Variants in SLC43A2 observed in about 807,000 individuals in gnomAD.
SLC43A2 encodes the protein large neutral amino acids transporter small subunit 4.
In SLC43A2, 38 loss-of-function variants were observed where a neutral mutation model predicts 63.2. The observed-to-expected ratio is 0.60, with a 90% CI of 0.46 to 0.79. The LOEUF (loss-of-function observed/expected upper bound fraction) is 0.79. SLC43A2 is among the 30% of genes least tolerant of loss of function. The pLI, the probability that SLC43A2 is intolerant of heterozygous loss-of-function variation, is 0.00. For synonymous variants in SLC43A2, 322 were observed against 331.0 expected, an observed-to-expected ratio of 0.97 and a Z score of 0.30; for missense variants, 644 against 756.2, an observed-to-expected ratio of 0.85 and a Z score of 1.74.
rs572335877 is a variant in SLC43A2, at chr17:1,593,059, C to A, written c.594+128G>T. The A allele has an allele frequency of 6.1e-6, 5 of 824,214 alleles. No individual in the cohort carries two copies. Among genetic ancestry groups the A allele is most frequent in the Non-Finnish European group, 9.9e-6 (5 of 504,188 alleles). 51.1% of individuals were successfully genotyped at this position (824,214 alleles called of 1,614,324 possible). A position where few individuals can be genotyped will look rare whatever the true frequency, so the allele number is the denominator to read the frequency against. ...TCGCCCCTGTGATGCCCAGGTGCAT[C>A]CTGCCCGGGTGGGGGTGGTGGAGAG... On this transcript the variant is annotated intron_variant, in intron 6 of 13. Coordinates refer to ENST00000301335, the MANE Select transcript of SLC43A2 (RefSeq NM_152346.3). This position sits in a 1 kb window ranked among gnomAD's most constrained non-coding sequence, Gnocchi z 5.3.
At chr17:1,585,762 G>A in intron 10 of SLC43A2, 151 bp downstream of exon 10, 5 of 1,591,634 alleles carry the variant, frequency 3.1e-6, no homozygotes, top group Non-Finnish European at 4.3e-6. Flanking sequence ...ATGCTGAGCT[G>A]AATGAGTGAG....
intron 3 of SLC43A2, among the ~76,000 whole-genome samples, chr17:1,615,904 G>A (rs1397292419): frequency 1.3e-5 from 2 of 149,950 alleles, no homozygotes; most frequent in Non-Finnish European, 3.0e-5. Context: ...TTAGCTGGGT[G>A]TGGTGGCAGG....
At chr17:1,602,373 C>T (rs1006505468) in intron 5 of SLC43A2, among the ~76,000 whole-genome samples, 4 of 152,078 alleles carry the variant, frequency 2.6e-5, no homozygotes, top group African/African-American at 9.7e-5. Context: ...AGGCCGGGCA[C>T]GGTGGCTCAC....
intron 13 of SLC43A2, 58 bp from the exon 14 acceptor site, chr17:1,575,823 C>A (rs1417975106): frequency 2.0e-6 from 3 of 1,530,552 alleles, no homozygotes; most frequent in Admixed American, 2.0e-5. Flanking sequence ...AGGCTGCAGA[C>A]CCGCCCTCCA....
At chr17:1,610,902 G>A (rs1441255764) in intron 5 of SLC43A2, among the ~76,000 whole-genome samples, 7 of 149,974 alleles carry the variant, frequency 4.7e-5, no homozygotes, top group Non-Finnish European at 7.4e-5. Context: ...GTTCAGTGGC[G>A]CGATCTCGGC....
chr17:1,579,959 G>T (rs544408482), intron 11 of SLC43A2, among the ~76,000 whole-genome samples: 1 of 151,078 alleles, frequency 6.6e-6, no homozygotes, highest in African/African-American at 2.4e-5. Context: ...TGGAGACAGA[G>T]TCTTGCTGTG....
chr17:1,591,724 T>TGGGG (rs552449883), intron 6 of SLC43A2, 25 bp from the exon 7 acceptor site: 45 of 220,212 alleles, frequency 2.0e-4, no homozygotes, highest in South Asian at 5.7e-4. Context: ...GGGGACGGGG[T>TGGGG]GGGGGGGGGA....
intron 5 of SLC43A2, among the ~76,000 whole-genome samples, chr17:1,600,100 CT>C (rs200335951): frequency 0.2 from 17,904 of 88,880 alleles, 1,970 homozygotes; most frequent in Non-Finnish European, 0.28. Flanking sequence ...GTTAATCTTT[CT>C]TTTTTTTTTT....
intron 6 of SLC43A2, among the ~76,000 whole-genome samples, chr17:1,591,925 G>A (rs1417624867): frequency 6.6e-6 from 1 of 152,190 alleles, no homozygotes; most frequent in African/African-American, 2.4e-5. Context: ...CGTGTGATTA[G>A]CCCCCCGACT....
intron 2 of SLC43A2, 107 bp downstream of exon 2, chr17:1,627,608 G>T: frequency 2.1e-6 from 2 of 953,624 alleles, no homozygotes; most frequent in Non-Finnish European, 3.0e-6. Flanking sequence ...TACCCTAGAG[G>T]CACTGGGCAA....
intron 11 of SLC43A2, among the ~76,000 whole-genome samples, chr17:1,581,152 G>C (rs547150956): frequency 4.6e-5 from 7 of 151,530 alleles, no homozygotes; most frequent in Admixed American, 2.6e-4. Context: ...TGGGTGGTGG[G>C]GGGGCAGGGG....
In SLC43A2 at chr17:1,586,942, C is replaced by A. The variant is rs9892753; in HGVS notation, c.1079-891G>T. On this transcript the variant is annotated intron_variant, in intron 9 of 13. Transcript: ENST00000301335. The stretch of plus-strand genomic sequence containing the variant: ...TTCCCTGACAATCCCCCCCACCCCC[C>A]GCTTACCCGTGGCCATCACTGCATC... 2.0e-6 allele frequency: 3 copies of A among 1,511,076 alleles called. No individual in the cohort carries two copies. The South Asian group carries it at 3.7e-5, about 19-fold the overall frequency. 93.6% of individuals were successfully genotyped at this position (1,511,076 alleles called of 1,614,324 possible).
At chr17:1,576,756 T>G in intron 12 of SLC43A2, 36 bp from the exon 13 acceptor site, 3 of 1,599,648 alleles carry the variant, frequency 1.9e-6, no homozygotes, top group Non-Finnish European at 2.5e-6. Context: ...CCATCCTGCC[T>G]CCTGGGCTTT....
chr17:1,607,366 GAGATTCGGCTCTGCTCAGC>G (rs1906714394), intron 5 of SLC43A2, among the ~76,000 whole-genome samples: 1 of 152,186 alleles, frequency 6.6e-6, no homozygotes, highest in African/African-American at 2.4e-5. Context: ...GTATCAGAAT[GAGATTCGGCTCTGCTCAGC>G]AGAAGCCCCA....
intron 2 of SLC43A2, among the ~76,000 whole-genome samples, chr17:1,622,154 G>A (rs1047770515): frequency 2.6e-5 from 4 of 152,306 alleles, no homozygotes; most frequent in East Asian, 3.9e-4. Flanking sequence ...TGAGGCTGCC[G>A]GCCCCAGCCT....
intron 1 of SLC43A2, among the ~76,000 whole-genome samples, chr17:1,628,559 G>C (rs1398566017): frequency 7.2e-5 from 11 of 152,154 alleles, no homozygotes; most frequent in Admixed American, 7.2e-4. Context: ...GGTGGCGCGA[G>C]CCAGCCGCGC....
chr17:1,604,488 G>T, intron 5 of SLC43A2: 1 of 549,696 alleles, frequency 1.8e-6, no homozygotes, highest in Non-Finnish European at 3.3e-6. Context: ...ACCTGGGCCG[G>T]TTCAGCCCTC....
At chr17:1,594,381 C>T (rs1241548848) in intron 5 of SLC43A2, among the ~76,000 whole-genome samples, 4 of 152,190 alleles carry the variant, frequency 2.6e-5, no homozygotes, top group Non-Finnish European at 5.9e-5. Flanking sequence ...CCCAAAGAGG[C>T]ACAGGTTCTC....
At chr17:1,610,844 CT>C (rs1381319545) in intron 5 of SLC43A2, among the ~76,000 whole-genome samples, 262 of 142,674 alleles carry the variant, frequency 1.8e-3, no homozygotes, top group Non-Finnish European at 2.2e-3. Context: ...TCTTTTTTTC[CT>C]TTTTTTTTTT....
Sources: gnomAD v4.1 joint callset for allele counts (sites outside exome capture counted in the v4.1 genomes callset) on GRCh38, gnomAD v4.1.1 for gene constraint, Gnocchi (gnomAD v3.1) non-coding constraint, MANE v1.5 for transcripts, NCBI Gene and HGNC (gene_info 2026-07-23, HGNC 2026-07-21) for gene names.